The following ESCO1 variants were observed in gnomAD, a reference collection of about 807,000 sequenced individuals.
The protein encoded by ESCO1 is establishment of sister chromatid cohesion N-acetyltransferase 1, also known as N-acetyltransferase ESCO1.
ESCO1 carries 33 observed loss-of-function variants against 83.5 expected under a neutral mutation model. That is an observed-to-expected ratio of 0.40 (90% CI 0.30 to 0.53). The LOEUF (loss-of-function observed/expected upper bound fraction) is 0.53, where lower values mean the gene tolerates loss of function less well. Among genes scored for constraint, ESCO1 ranks in the 20% least tolerant of loss-of-function variants. ESCO1 has a pLI of 0.63. For missense variants in ESCO1, 855 were observed against 968.0 expected, an observed-to-expected ratio of 0.88 and a Z score of 1.55; for synonymous variants, 332 against 324.3, an observed-to-expected ratio of 1.02 and a Z score of -0.25.
chr18:21,541,847 A>C (rs1170294132), intron 8 of ESCO1, among the ~76,000 whole-genome samples: 2 of 152,178 alleles, frequency 1.3e-5, no homozygotes, highest in African/African-American at 2.4e-5. Context: ...ATTCTTCCTG[A>C]ACTGAATCAT....
chr18:21,534,391 G>A (rs554253538), intron 10 of ESCO1, among the ~76,000 whole-genome samples: 86 of 152,302 alleles, frequency 5.6e-4, no homozygotes, highest in African/African-American at 1.9e-3. Context: ...TGTACACTGA[G>A]TTCATGAGCA....
chr18:21,574,419 T>C lies in ESCO1; in HGVS notation c.425A>G (p.Gln142Arg), dbSNP rs537077095. ...SRRSLRSREIQGQVQAVKQSL... is the reference protein window; with the variant it reads ...SRRSLRSREIRGQVQAVKQSL... The stretch of plus-strand genomic sequence containing the variant: ...CTGTTTAACTGCTTGAACTTGACCC[T>C]GAATTTCTCTACTGCGTAACGACCT... The change falls in exon 4 of 12, where the codon CAG (glutamine) becomes CGG (arginine). Residue 142 changes from glutamine to arginine, a missense_variant. This residue lies in a region of ESCO1 where 726 missense variants were observed against 699.5 expected (regional missense o/e 1.04). Coordinates refer to ENST00000269214, the MANE Select transcript of ESCO1 (RefSeq NM_052911.3). The C allele has an allele frequency of 1.9e-5, 30 of 1,614,166 alleles. No homozygotes were observed. In the South Asian group the frequency reaches 3.2e-4, roughly 17 times the overall value.
intron 8 of ESCO1, among the ~76,000 whole-genome samples, chr18:21,553,660 C>G (rs2038074642): frequency 1.3e-5 from 2 of 151,564 alleles, no homozygotes; most frequent in Admixed American, 1.3e-4. Context: ...GAGTTCGAGA[C>G]CAGCCTGACC....
rs1331675530 is a variant in ESCO1 at position 21,573,920 on chromosome 18, T to G, written c.924A>C (p.Glu308Asp). 1 of 1,614,048 alleles carries G rather than the reference T, an allele frequency of 6.2e-7. No individual in the cohort carries two copies. The highest frequency in any genetic ancestry group is 8.5e-7 in the Non-Finnish European group (1 of 1,180,018). ...SKRGSILQLCEEIAGEIESDN... is the reference protein window; with the variant it reads ...SKRGSILQLCDEIAGEIESDN... ...CTGACTCAATTTCACCAGCAATTTC[T>G]TCACAGAGCTGGAGAATACTACCTC... Residue 308 changes from glutamate to aspartate, a missense_variant, in exon 4 of 12, where the codon GAA (glutamate) becomes GAC (aspartate). By Grantham distance (45) the Glu-to-Asp change is conservative. This residue lies in a region of ESCO1 where 726 missense variants were observed against 699.5 expected (regional missense o/e 1.04). Coordinates refer to ENST00000269214, the MANE Select transcript of ESCO1 (RefSeq NM_052911.3).
At chr18:21,573,161 C>A (rs1210790792) in intron 4 of ESCO1, among the ~76,000 whole-genome samples, 153 bp downstream of exon 4, 1 of 152,166 alleles carries the variant, frequency 6.6e-6, no homozygotes, top group Admixed American at 6.5e-5. Flanking sequence ...TATCACAAGA[C>A]TGGGTTAATA....
chr18:21,589,712 T>C (rs2038635286), intron 1 of ESCO1, among the ~76,000 whole-genome samples: 1 of 152,170 alleles, frequency 6.6e-6, no homozygotes, highest in African/African-American at 2.4e-5. Flanking sequence ...TTCTCAGCAA[T>C]ACTTAGCTCG....
At chr18:21,542,294 C>G (rs1226512412) in intron 8 of ESCO1, among the ~76,000 whole-genome samples, 1 of 152,166 alleles carries the variant, frequency 6.6e-6, no homozygotes, top group East Asian at 1.9e-4. Context: ...TCAAGCAATC[C>G]TCTTGCTTCA....
At chr18:21,541,992 T>G (rs1172794863) in intron 8 of ESCO1, among the ~76,000 whole-genome samples, 1 of 152,230 alleles carries the variant, frequency 6.6e-6, no homozygotes, top group African/African-American at 2.4e-5. Context: ...CAAAACTTTC[T>G]CTTGAAACAA....
chr18:21,531,370 A>G (rs1383463099), intron 11 of ESCO1, among the ~76,000 whole-genome samples: 1 of 152,182 alleles, frequency 6.6e-6, no homozygotes, highest in Non-Finnish European at 1.5e-5. Flanking sequence ...CAGGATGTTG[A>G]GGATGAAGTG....
chr18:21,542,790 A>G (rs929608565), intron 8 of ESCO1, among the ~76,000 whole-genome samples: 5 of 152,254 alleles, frequency 3.3e-5, no homozygotes, highest in Admixed American at 2.0e-4. Context: ...ACTACAGTTA[A>G]CTGCTAGTCA....
intron 1 of ESCO1, among the ~76,000 whole-genome samples, chr18:21,599,866 C>A (rs541756395): frequency 1.9e-4 from 29 of 152,258 alleles, no homozygotes; most frequent in Non-Finnish European, 3.1e-4. Flanking sequence ...AAAATAAACC[C>A]CCATAGTAAA....
chr18:21,541,442 T>G (rs561056104), intron 8 of ESCO1, among the ~76,000 whole-genome samples: 5 of 151,956 alleles, frequency 3.3e-5, no homozygotes, highest in South Asian at 2.1e-4. Flanking sequence ...ATTATTGTAT[T>G]TTTAGGCGGG....
chr18:21,573,617 A>G lies in ESCO1; in HGVS notation c.1227T>C (p.Ser409=). Residue 409 remains serine (S), a synonymous_variant, in exon 4 of 12, where the codon TCT becomes TCC. Transcript: ENST00000269214. ...FNSVQHNKLD[S]QVSPKLGLLR... ...ATAAGCCTAATTTAGGGGAAACTTG[A>G]GAGTCCAACTTATTGTGCTGCACAG... 1 of 1,614,166 alleles carries G rather than the reference A, an allele frequency of 6.2e-7. No individual in the cohort carries two copies. Among genetic ancestry groups the G allele is most frequent in the Non-Finnish European group, 8.5e-7 (1 of 1,180,026 alleles).
chr18:21,548,463 C>T (rs1259440458), intron 8 of ESCO1, among the ~76,000 whole-genome samples: 1 of 151,988 alleles, frequency 6.6e-6, no homozygotes, highest in Non-Finnish European at 1.5e-5. Flanking sequence ...CCACTGCACT[C>T]CAGCCTGGGC....
At position 21,573,445 on chromosome 18, in the gene ESCO1, CATTA is replaced by C; in HGVS notation, c.1395_1398del (p.Ile465MetfsTer5). The C allele has an allele frequency of 6.2e-7, 1 of 1,612,086 alleles. No homozygotes were observed. Among genetic ancestry groups the C allele is most frequent in the Non-Finnish European group, 8.5e-7 (1 of 1,179,406 alleles). ...GTTTTATTAATTTCTACTGTAATAT[CATTA>C]ATTTTCACTTCTTCAGAATTAATTT... is the stretch of plus-strand genomic sequence containing the variant. On this transcript the variant is annotated frameshift_variant, in exon 4 of 12. Coordinates refer to ENST00000269214, the MANE Select transcript of ESCO1 (RefSeq NM_052911.3). LOFTEE classifies it high-confidence loss of function.
chr18:21,547,612 T>A (rs1458992882), intron 8 of ESCO1, among the ~76,000 whole-genome samples: 1 of 152,176 alleles, frequency 6.6e-6, no homozygotes, highest in African/African-American at 2.4e-5. Flanking sequence ...TATACTTCAA[T>A]GTTTCTGAAT....
intron 1 of ESCO1, among the ~76,000 whole-genome samples, chr18:21,585,063 C>G (rs1349909198): frequency 6.7e-6 from 1 of 150,346 alleles, no homozygotes; most frequent in Non-Finnish European, 1.5e-5. Context: ...ACTGCTTGAA[C>G]CCGGGAGGCA....
intron 1 of ESCO1, among the ~76,000 whole-genome samples, chr18:21,587,778 A>C (rs764907112): frequency 2.0e-5 from 3 of 152,146 alleles, no homozygotes; most frequent in Non-Finnish European, 2.9e-5. Context: ...CTCTACAAAA[A>C]ATAAATTAGC....
At chr18:21,567,161 CTTTTGGTT>C (rs960091810) in intron 5 of ESCO1, among the ~76,000 whole-genome samples, 4 of 151,270 alleles carry the variant, frequency 2.6e-5, no homozygotes, top group Non-Finnish European at 5.9e-5. Flanking sequence ...ATTTTTTTTT[CTTTTGGTT>C]TTTTGGTTTT....
Sources: gnomAD v4.1 joint callset for allele counts (sites outside exome capture counted in the v4.1 genomes callset) on GRCh38, gnomAD v4.1.1 for gene constraint, gnomAD v4.1.1 regional missense constraint, MANE v1.5 for transcripts, NCBI Gene and HGNC (gene_info 2026-07-23, HGNC 2026-07-21) for gene names.